Variants in ZNF704 observed in about 807,000 individuals in gnomAD.
The protein encoded by ZNF704 is glucocorticoid induced gene 1.
ZNF704 carries 10 observed loss-of-function variants against 44.7 expected under a neutral mutation model. The ratio of observed to expected loss-of-function variants is 0.22; its 90% CI spans 0.14 to 0.38. ZNF704 has a LOEUF of 0.38. Among genes scored for constraint, ZNF704 ranks in the 10% least tolerant of loss-of-function variants. The pLI, the probability that ZNF704 is intolerant of heterozygous loss-of-function variation, is 1.00. For synonymous variants in ZNF704, 211 were observed against 207.6 expected (o/e 1.02, Z -0.14); for missense variants, 390 against 545.5 (o/e 0.71, Z 2.84).
intron 4 of ZNF704, among the ~76,000 whole-genome samples, chr8:80,679,506 G>T (rs1401561424): frequency 6.6e-6 from 1 of 152,188 alleles, no homozygotes; most frequent in Non-Finnish European, 1.5e-5. Flanking sequence ...GGTCCCATCT[G>T]TGCTTCTACC....
chr8:80,842,920 T>C (rs944220691), intron 1 of ZNF704, among the ~76,000 whole-genome samples: 1 of 152,194 alleles, frequency 6.6e-6, no homozygotes, highest in Non-Finnish European at 1.5e-5. Flanking sequence ...GGATCCATGC[T>C]TGGATCTTCT....
rs146296507 is a variant in ZNF704, at chr8:80,643,100, T to G, written c.1062A>C (p.Thr354=). The change falls in exon 8 of 9, where the codon ACA becomes ACC. Residue 354 remains threonine, a synonymous_variant. Coordinates refer to ENST00000327835, the MANE Select transcript of ZNF704 (RefSeq NM_001033723.3). ...PVSPTHHPVG[T]GEQRQHAHTV... is the part of the protein sequence containing the mutation. ...TGTGCGCATGCTGTCTCTGCTCTCC[T>G]GTGCCCACCGGATGATGTGTGGGTG... The G allele has an allele frequency of 1.2e-6, 2 of 1,606,684 alleles. No individual in the cohort carries two copies. Among genetic ancestry groups the G allele is most frequent in the African/African-American group, 1.3e-5 (1 of 74,692 alleles).
chr8:80,736,051 C>T (rs1806659783), intron 2 of ZNF704, among the ~76,000 whole-genome samples: 1 of 152,146 alleles, frequency 6.6e-6, no homozygotes, highest in Non-Finnish European at 1.5e-5. Context: ...TAGAATTGTC[C>T]TGTGGTTTCT....
At chr8:80,683,755 C>G (rs1262678599) in intron 4 of ZNF704, among the ~76,000 whole-genome samples, 1 of 152,212 alleles carries the variant, frequency 6.6e-6, no homozygotes, top group Non-Finnish European at 1.5e-5. Flanking sequence ...TAGTGATTAT[C>G]AGCAAATATT....
intron 1 of ZNF704, among the ~76,000 whole-genome samples, chr8:80,866,267 C>T (rs1023354010): frequency 4.6e-5 from 7 of 152,082 alleles, no homozygotes; most frequent in Non-Finnish European, 8.8e-5. Flanking sequence ...AGAGGAAAAG[C>T]GACTTCATAC....
chr8:80,644,855 A>C, intron 7 of ZNF704: 1 of 712,416 alleles, frequency 1.4e-6, no homozygotes, highest in Non-Finnish European at 2.5e-6. Context: ...AGAAGGCAAC[A>C]TAATAATGTT....
chr8:80,884,008 G>A, the ZNF704 span, among the ~76,000 whole-genome samples: 1 of 152,218 alleles, frequency 6.6e-6, no homozygotes, highest in African/African-American at 2.4e-5. Flanking sequence ...CCATAAAATA[G>A]AATGAGACAT....
chr8:80,864,339 A>C (rs1809117720), intron 1 of ZNF704, among the ~76,000 whole-genome samples: 1 of 152,156 alleles, frequency 6.6e-6, no homozygotes, highest in Non-Finnish European at 1.5e-5. Flanking sequence ...AATATTTCCC[A>C]AAATGTATCC....
intron 1 of ZNF704, among the ~76,000 whole-genome samples, chr8:80,851,228 C>T (rs561009724): frequency 6.6e-6 from 1 of 152,222 alleles, no homozygotes; most frequent in African/African-American, 2.4e-5. Context: ...TGCGTATATA[C>T]CCAAAGGATT....
chr8:80,782,240 A>G (rs1807538781), intron 2 of ZNF704, among the ~76,000 whole-genome samples: 1 of 152,240 alleles, frequency 6.6e-6, no homozygotes, highest in Non-Finnish European at 1.5e-5. Flanking sequence ...AGATTCAATA[A>G]GATCTCAACA....
At chr8:80,831,444 C>A (rs1808471348) in intron 1 of ZNF704, among the ~76,000 whole-genome samples, 1 of 152,188 alleles carries the variant, frequency 6.6e-6, no homozygotes. Context: ...AATTAGCTTG[C>A]TGCTTCTTTG....
In ZNF704 at chr8:80,792,244, G is replaced by A. The variant is rs537583574; in HGVS notation, c.221+29130C>T. Among the ~76,000 whole-genome samples, 9 of 152,238 alleles carry A rather than the reference G, an allele frequency of 5.9e-5. No individual in the cohort carries two copies. In the East Asian group the frequency reaches 1.7e-3, roughly 29 times the overall value. ...AACTGATTAGGCTCTCTGAGCTGGT[G>A]GGAGTGTAACTGCTGTTAGAAATGC... On this transcript the variant is annotated intron_variant, in intron 2 of 8. Transcript: ENST00000327835.
intron 2 of ZNF704, among the ~76,000 whole-genome samples, chr8:80,798,258 ATT>A (rs555454839): frequency 5.6e-5 from 8 of 143,102 alleles, no homozygotes; most frequent in East Asian, 2.0e-4. Flanking sequence ...TAGTGTCCAT[ATT>A]TTTTTTTTTT....
At chr8:80,662,786 C>A (rs1323586128) in intron 6 of ZNF704, among the ~76,000 whole-genome samples, 1 of 151,888 alleles carries the variant, frequency 6.6e-6, no homozygotes, top group Admixed American at 6.6e-5. Context: ...AGAATTTAAA[C>A]AAAAAACAAA....
chr8:80,697,072 T>C (rs762239585), intron 2 of ZNF704, among the ~76,000 whole-genome samples: 5 of 152,082 alleles, frequency 3.3e-5, no homozygotes, highest in South Asian at 2.1e-4. Flanking sequence ...CTGGCTTCTG[T>C]GGATGAACAG....
chr8:80,699,436 C>T (rs553628853), intron 2 of ZNF704, among the ~76,000 whole-genome samples: 2 of 152,208 alleles, frequency 1.3e-5, no homozygotes, highest in South Asian at 4.2e-4. Flanking sequence ...TAGAAAGCTG[C>T]CTATTGCAAT....
intron 2 of ZNF704, among the ~76,000 whole-genome samples, chr8:80,739,605 C>T (rs1806722218): frequency 6.6e-6 from 1 of 152,200 alleles, no homozygotes; most frequent in African/African-American, 2.4e-5. Context: ...GAAGACATCG[C>T]TAGTTTCTTT....
At chr8:80,861,100 T>A (rs113651182) in intron 1 of ZNF704, among the ~76,000 whole-genome samples, 85 of 152,354 alleles carry the variant, frequency 5.6e-4, no homozygotes, top group African/African-American at 1.5e-3. Context: ...TCTAGTAGCA[T>A]GCAGATTGAA....
intron 2 of ZNF704, among the ~76,000 whole-genome samples, chr8:80,708,959 G>T (rs2131655864): frequency 6.6e-6 from 1 of 152,106 alleles, no homozygotes; most frequent in East Asian, 1.9e-4. Context: ...ACAGAACTGG[G>T]ATTTACTTGG....
Sources: allele counts gnomAD v4.1 joint callset (sites outside exome capture counted in the v4.1 genomes callset), GRCh38; gene constraint gnomAD v4.1.1; transcripts MANE v1.5; gene names NCBI Gene and HGNC (gene_info 2026-07-23, HGNC 2026-07-21).